TRPM1: variants seen among roughly 807,000 people sequenced by gnomAD.
TRPM1 encodes TRPM1-203 APA Isoform, Intron 10.
TRPM1 carries 113 observed loss-of-function variants against 149.4 expected under a neutral mutation model. The ratio of observed to expected loss-of-function variants is 0.76; its 90% CI spans 0.65 to 0.88. The LOEUF is 0.88. Among genes scored for constraint, TRPM1 ranks in the 40% least tolerant of loss-of-function variants. TRPM1 has a pLI of 0.00. For missense variants in TRPM1, 1,976 were observed against 2,038.7 expected, an observed-to-expected ratio of 0.97 and a Z score of 0.59; for synonymous variants, 741 against 759.5, an observed-to-expected ratio of 0.98 and a Z score of 0.40.
At chr15:31,150,257 G>C (rs1029758006) in intron 1 of TRPM1, among the ~76,000 whole-genome samples, 1 of 152,150 alleles carries the variant, frequency 6.6e-6, no homozygotes, top group Non-Finnish European at 1.5e-5. Context: ...GATGTGCATT[G>C]TGGATCTCTA....
chr15:31,126,585 G>A (rs1299726482), intron 1 of TRPM1, among the ~76,000 whole-genome samples: 1 of 152,220 alleles, frequency 6.6e-6, no homozygotes, highest in Non-Finnish European at 1.5e-5. Context: ...TGGAGCTGAT[G>A]CTGGCAGTGT....
intron 3 of TRPM1, among the ~76,000 whole-genome samples, chr15:31,070,850 A>AT (rs1481338918): frequency 6.6e-6 from 1 of 152,110 alleles, no homozygotes; most frequent in African/African-American, 2.4e-5. Flanking sequence ...TGTCAGCCAA[A>AT]TTTTTCCATA....
In TRPM1 at chr15:31,067,885, T is replaced by A. The variant is rs937647244; in HGVS notation, c.487A>T (p.Ser163Cys). The change falls in exon 5 of 28, where the codon AGC becomes TGC. Residue 163 changes from serine to cysteine, a missense_variant. Physicochemically the swap from Ser to Cys is moderately radical, Grantham distance 112. Transcript: ENST00000256552. The stretch of plus-strand genomic sequence containing the variant: ...GGAAAGGGCCTGCTCTTACCTGTGC[T>A]GACACCCCCGGTGAAGATCCAGGCC... ...TGAWIFTGGV[S>C]TGVISHVGDA... 1.9e-6 allele frequency: 3 copies of A among 1,612,726 alleles called. No homozygotes were observed. Among genetic ancestry groups the A allele is most frequent in the African/African-American group, 2.7e-5 (2 of 74,888 alleles).
At chr15:31,016,436 C>T (rs1259054611) in intron 27 of TRPM1, among the ~76,000 whole-genome samples, 1 of 152,090 alleles carries the variant, frequency 6.6e-6, no homozygotes, top group Non-Finnish European at 1.5e-5. Flanking sequence ...GCTTCTGTAA[C>T]TATTTCTGGG....
chr15:31,034,994 G>A (rs1370463551), intron 21 of TRPM1, among the ~76,000 whole-genome samples: 1 of 152,178 alleles, frequency 6.6e-6, no homozygotes, highest in Non-Finnish European at 1.5e-5. Context: ...CCCACAGCAT[G>A]TGTAATTTGT....
exon 1 of TRPM1, chr15:31,160,990 T>G: frequency 6.5e-7 from 1 of 1,534,912 alleles, no homozygotes; most frequent in South Asian, 1.2e-5. Flanking sequence ...GCCACCCTGC[T>G]GACTCCCTCG....
At chr15:31,069,972 G>T (rs1337121166) in intron 4 of TRPM1, 59 bp downstream of exon 4, 4 of 1,613,966 alleles carry the variant, frequency 2.5e-6, no homozygotes, top group Non-Finnish European at 3.4e-6. Context: ...GGGGCTGGGA[G>T]ACTGGCCGCC....
intron 1 of TRPM1, among the ~76,000 whole-genome samples, chr15:31,121,120 G>C (rs2035870992): frequency 6.6e-6 from 1 of 151,446 alleles, no homozygotes; most frequent in South Asian, 2.1e-4. Context: ...CCAGCTACTT[G>C]GGAGGCCAAG....
chr15:31,112,550 A>T (rs762925517), intron 1 of TRPM1, among the ~76,000 whole-genome samples: 6 of 152,194 alleles, frequency 3.9e-5, no homozygotes, highest in Non-Finnish European at 8.8e-5. Flanking sequence ...AGGTTTCTCC[A>T]TCTCATGGTG....
At chr15:31,078,972 T>C (rs2034785454) in intron 2 of TRPM1, among the ~76,000 whole-genome samples, 1 of 152,202 alleles carries the variant, frequency 6.6e-6, no homozygotes, top group Non-Finnish European at 1.5e-5. Flanking sequence ...AATAAATTAA[T>C]ACATTGCAGA....
Position 31,076,997 on chromosome 15 carries a change from G to A in TRPM1, c.4-13C>T, listed in dbSNP as rs185131367. ...AAGATTTCTGACCCTGGAAGAGAGAGAGAAGTGGATATTGGACCAATACAT... is the reference window on the plus strand; with the variant it reads ...AAGATTTCTGACCCTGGAAGAGAGAAAGAAGTGGATATTGGACCAATACAT... On this transcript the variant is annotated splice_polypyrimidine_tract_variant and intron_variant, in intron 2 of 27. Coordinates refer to ENST00000256552, the MANE Select transcript of TRPM1 (RefSeq NM_001252024.2). 43 of 1,586,544 alleles carry A rather than the reference G, an allele frequency of 2.7e-5. No homozygotes were observed. In the East Asian group the frequency reaches 8.5e-4, roughly 31 times the overall value.
intron 1 of TRPM1, among the ~76,000 whole-genome samples, chr15:31,113,941 C>A (rs548544395): frequency 3.1e-4 from 47 of 150,928 alleles, no homozygotes; most frequent in African/African-American, 1.1e-3. Flanking sequence ...CTGCCCATGT[C>A]CTGCAGATTG....
At chr15:31,065,596 C>CCTT (rs2034351669) in intron 7 of TRPM1, among the ~76,000 whole-genome samples, 1 of 152,162 alleles carries the variant, frequency 6.6e-6, no homozygotes, top group African/African-American at 2.4e-5. Flanking sequence ...GATGCCCCTT[C>CCTT]AGGAGCAGAT....
chr15:31,158,542 G>T (rs1055641112), intron 1 of TRPM1, among the ~76,000 whole-genome samples: 1 of 149,472 alleles, frequency 6.7e-6, no homozygotes, highest in African/African-American at 2.5e-5. Context: ...CAGGAGAATC[G>T]CTTGAACCCG....
chr15:31,085,579 G>A (rs756347560), intron 1 of TRPM1, among the ~76,000 whole-genome samples: 1 of 152,148 alleles, frequency 6.6e-6, no homozygotes, highest in South Asian at 2.1e-4. Flanking sequence ...TAGTCCAATC[G>A]CATGTGTTGA....
At position 31,065,045 on chromosome 15, in the gene TRPM1, GA is replaced by G. The variant is rs761512571; in HGVS notation, c.790+1030del. The stretch of plus-strand genomic sequence containing the variant: ...GAGTCCTCGAAGCTCCGTGCTGTGG[GA>G]AGTGACAACTGAGCACCCCTTTGCT... On this transcript the variant is annotated intron_variant, in intron 7 of 27. Transcript: ENST00000256552. 1.3e-5 allele frequency: 7 copies of G among 534,504 alleles called. No individual in the cohort carries two copies. The Admixed American group carries it at 1.4e-4, about 10-fold the overall frequency. The allele number at this position is 534,504 out of a possible 1,614,324, so 33.1% of individuals were successfully genotyped here.
In TRPM1 at chr15:31,101,582, G is replaced by A. The variant is rs958852189; in HGVS notation, c.-84+75C>T. ...GTTATCTGCACCTGAGTTTGTCCAC[G>A]CTTGAGTTTACCCACACCTGAGGAT... On this transcript the variant is annotated intron_variant, in intron 1 of 27. Transcript: ENST00000256552. 12 of 904,734 alleles carry A rather than the reference G, an allele frequency of 1.3e-5. No homozygotes were observed. The African/African-American group carries it at 1.6e-4, about 12-fold the overall frequency. The allele number at this position is 904,734 out of a possible 1,614,324, so 56.0% of individuals were successfully genotyped here.
intron 17 of TRPM1, among the ~76,000 whole-genome samples, 185 bp downstream of exon 17, chr15:31,041,766 G>A (rs149203967): frequency 1.0e-3 from 152 of 152,314 alleles, no homozygotes; most frequent in African/African-American, 3.5e-3. Flanking sequence ...CAAAAACAAC[G>A]ACAGTCCAAA....
chr15:31,123,875 A>C (rs568153231), intron 1 of TRPM1, among the ~76,000 whole-genome samples: 1 of 151,098 alleles, frequency 6.6e-6, no homozygotes, highest in African/African-American at 2.4e-5. Flanking sequence ...TCCACACCAA[A>C]ACCTGCACAC....
Sources: gnomAD v4.1 joint callset for allele counts (sites outside exome capture counted in the v4.1 genomes callset) on GRCh38, gnomAD v4.1.1 for gene constraint, MANE v1.5 for transcripts, NCBI Gene and HGNC (gene_info 2026-07-23, HGNC 2026-07-21) for gene names.